Variants in PTPN21 observed in about 807,000 individuals in gnomAD.
PTPN21 encodes tyrosine-protein phosphatase non-receptor type 21.
PTPN21 carries 77 observed loss-of-function variants against 131.8 expected under a neutral mutation model. The observed-to-expected ratio is 0.58, with a 90% CI of 0.49 to 0.71. The LOEUF (loss-of-function observed/expected upper bound fraction) is 0.71. Ranked by LOEUF, PTPN21 falls within the 30% of genes least tolerant of loss-of-function variation. PTPN21 has a pLI of 0.00. For missense variants in PTPN21, 1,552 were observed against 1,527.1 expected (o/e 1.02, Z -0.27); for synonymous variants, 715 against 621.3 (o/e 1.15, Z -2.24).
At chr14:88,520,579 T>C (rs1421239123) in intron 2 of PTPN21, among the ~76,000 whole-genome samples, 1 of 152,202 alleles carries the variant, frequency 6.6e-6, no homozygotes, top group Non-Finnish European at 1.5e-5. Flanking sequence ...GTATCATACA[T>C]TTATAGAAAA....
At chr14:88,504,563 T>C in intron 5 of PTPN21, 68 bp from the exon 6 acceptor site, 2 of 1,320,638 alleles carry the variant, frequency 1.5e-6, no homozygotes, top group South Asian at 1.2e-5. Context: ...ATCATGGCCA[T>C]TGACTGTTAA....
In PTPN21 at chr14:88,467,959, T is replaced by C; in HGVS notation, c.*178A>G. Reference sequence around the variant, plus strand: ...GCACCTTTCCCAGGTTAGAAACCCCTCTTCAGCCTGTGCTTCGCACGTTTC... The same window carrying C: ...GCACCTTTCCCAGGTTAGAAACCCCCCTTCAGCCTGTGCTTCGCACGTTTC... On this transcript the variant is annotated 3_prime_UTR_variant, in exon 19 of 19. Coordinates refer to ENST00000556564, the MANE Select transcript of PTPN21 (RefSeq NM_007039.4). 1 of 836,230 alleles carries C rather than the reference T, an allele frequency of 1.2e-6. No individual in the cohort carries two copies. Among genetic ancestry groups the C allele is most frequent in the South Asian group, 1.5e-5 (1 of 65,270 alleles). The allele number at this position is 836,230 out of a possible 1,614,324, so 51.8% of individuals were successfully genotyped here.
intron 4 of PTPN21, among the ~76,000 whole-genome samples, chr14:88,506,451 T>C (rs900640560): frequency 1.3e-5 from 2 of 152,124 alleles, no homozygotes; most frequent in African/African-American, 4.8e-5. Flanking sequence ...TATTTATATA[T>C]GTACATTTTA....
intron 2 of PTPN21, among the ~76,000 whole-genome samples, chr14:88,544,802 T>C (rs1002652101): frequency 2.0e-5 from 3 of 152,110 alleles, no homozygotes; most frequent in Non-Finnish European, 4.4e-5. Flanking sequence ...AGCAATTCTC[T>C]GCTTATAAAA....
chr14:88,549,978 G>A (rs1055873159), intron 2 of PTPN21, among the ~76,000 whole-genome samples: 1 of 152,110 alleles, frequency 6.6e-6, no homozygotes, highest in Non-Finnish European at 1.5e-5. Flanking sequence ...TAGACATGGG[G>A]TTTCACCATA....
chr14:88,520,261 C>T (rs1159880724), intron 2 of PTPN21, among the ~76,000 whole-genome samples: 1 of 151,988 alleles, frequency 6.6e-6, no homozygotes, highest in East Asian at 1.9e-4. Context: ...GTAAAAAATA[C>T]AAAAAATTAG....
At position 88,520,806 on chromosome 14, in the gene PTPN21, C is replaced by T. The variant is rs1181299325; in HGVS notation, c.181-3545G>A. On this transcript the variant is annotated intron_variant, in intron 2 of 18. Coordinates refer to ENST00000556564, the MANE Select transcript of PTPN21 (RefSeq NM_007039.4). The stretch of plus-strand genomic sequence containing the variant: ...ACAATCCTGTCATGAGGATTGGATA[C>T]GGGAAAACTACCTAAGTACATTTTC... Among the ~76,000 whole-genome samples the T allele has an allele frequency of 3.3e-5, 5 of 152,162 alleles. No homozygotes were observed. The East Asian group carries it at 7.7e-4, about 23-fold the overall frequency.
intron 2 of PTPN21, among the ~76,000 whole-genome samples, chr14:88,518,382 G>GTATATATATATA (rs1566839863): frequency 2.4e-4 from 3 of 12,270 alleles, no homozygotes; most frequent in African/African-American, 5.2e-4. Flanking sequence ...GTATGTGTGT[G>GTATATATATATA]TGTGTATATA....
intron 2 of PTPN21, among the ~76,000 whole-genome samples, chr14:88,532,078 C>G (rs1045053129): frequency 2.6e-5 from 4 of 151,188 alleles, no homozygotes; most frequent in African/African-American, 9.7e-5. Context: ...CTGGACAGAC[C>G]AATAACAAGT....
chr14:88,536,562 C>T (rs754244321), intron 2 of PTPN21, among the ~76,000 whole-genome samples: 13 of 152,160 alleles, frequency 8.5e-5, no homozygotes, highest in African/African-American at 2.7e-4. Context: ...CCTAAGGAGA[C>T]GTCAGCTATT....
At chr14:88,488,950 T>C (rs1005875876) in intron 10 of PTPN21, among the ~76,000 whole-genome samples, 2 of 151,910 alleles carry the variant, frequency 1.3e-5, no homozygotes, top group African/African-American at 2.4e-5. Flanking sequence ...ATAAGGGAGG[T>C]CCAGTTATTA....
At chr14:88,529,539 G>A (rs2078525253) in intron 2 of PTPN21, among the ~76,000 whole-genome samples, 1 of 152,106 alleles carries the variant, frequency 6.6e-6, no homozygotes, top group South Asian at 2.1e-4. Context: ...AAACTTATTT[G>A]AGGGAATAAT....
At chr14:88,482,236 G>A (rs1269299284) in intron 12 of PTPN21, among the ~76,000 whole-genome samples, 1 of 152,212 alleles carries the variant, frequency 6.6e-6, no homozygotes, top group African/African-American at 2.4e-5. Context: ...TAGAGTGTCA[G>A]ATAGCTACAG....
intron 15 of PTPN21, chr14:88,470,280 A>C: frequency 5.6e-6 from 3 of 539,896 alleles, no homozygotes; most frequent in Non-Finnish European, 9.9e-6. Context: ...TATACATAAT[A>C]TCTATGCAAC....
intron 3 of PTPN21, among the ~76,000 whole-genome samples, chr14:88,511,479 T>C (rs1566834603): frequency 6.6e-6 from 1 of 152,096 alleles, no homozygotes; most frequent in Non-Finnish European, 1.5e-5. Flanking sequence ...GAGACCATCC[T>C]AGCCAACATG....
At chr14:88,512,866 G>A (rs1049818334) in intron 3 of PTPN21, among the ~76,000 whole-genome samples, 4 of 152,208 alleles carry the variant, frequency 2.6e-5, no homozygotes, top group South Asian at 2.1e-4. Context: ...ACTTCCTGAT[G>A]CATCACATCA....
At chr14:88,480,631 A>G (rs2077640278) in intron 12 of PTPN21, among the ~76,000 whole-genome samples, 1 of 152,088 alleles carries the variant, frequency 6.6e-6, no homozygotes, top group Admixed American at 6.5e-5. Flanking sequence ...AGACTAGCAG[A>G]CTTTTTGGAA....
chr14:88,479,796 C>T lies in PTPN21; in HGVS notation c.1635G>A (p.Ala545=). ...ACGGGTAGTCCTGCGCCTGCAGCTG[C>T]GCATTGGTCAGCTCCGGCACGCTGA... The part of the protein sequence containing the change: ...GAVSVPELTN[A]QLQAQDYPSP... The change falls in exon 13 of 19, where the codon GCG becomes GCA. Residue 545 remains alanine (A), a synonymous_variant. Coordinates refer to ENST00000556564, the MANE Select transcript of PTPN21 (RefSeq NM_007039.4). The T allele has an allele frequency of 6.5e-7, 1 of 1,544,544 alleles. No homozygotes were observed.
rs527617424 is a variant in PTPN21, at chr14:88,467,347, T to C, written c.*790A>G. ...TTTTCAACCAATAAAATCAAATTCA[T>C]TTAGATCTATGAATAATACTGAAAA... On this transcript the variant is annotated 3_prime_UTR_variant, in exon 19 of 19. Coordinates refer to ENST00000556564, the MANE Select transcript of PTPN21 (RefSeq NM_007039.4). 15 of 152,354 alleles carry C rather than the reference T, an allele frequency of 9.8e-5. No individual in the cohort carries two copies. The highest frequency in any genetic ancestry group is 3.6e-4 in the African/African-American group (15 of 41,582). 9.4% of individuals were successfully genotyped at this position (152,354 alleles called of 1,614,324 possible). A position where few individuals can be genotyped will look rare whatever the true frequency, so the allele number is the denominator to read the frequency against.
Sources: allele counts gnomAD v4.1 joint callset (sites outside exome capture counted in the v4.1 genomes callset), GRCh38; gene constraint gnomAD v4.1.1; transcripts MANE v1.5; gene names NCBI Gene and HGNC (gene_info 2026-07-23, HGNC 2026-07-21).